DCAF1: variants seen among roughly 807,000 people sequenced by gnomAD.
The protein encoded by DCAF1 is DDB1- and CUL4-associated factor 1.
Under a neutral mutation model 128.0 loss-of-function variants are expected in DCAF1, and 15 were observed. That is an observed-to-expected ratio of 0.12 (90% CI 0.08 to 0.18). The LOEUF is 0.18. DCAF1 is among the 10% of genes least tolerant of loss of function. DCAF1 has a pLI of 1.00. For missense variants in DCAF1, 988 were observed against 1,649.5 expected (o/e 0.60, Z 6.95); for synonymous variants, 610 against 603.0 (o/e 1.01, Z -0.17).
chr3:51,472,236 C>T (rs1219213497), intron 3 of DCAF1, among the ~76,000 whole-genome samples: 1 of 152,150 alleles, frequency 6.6e-6, no homozygotes, highest in Non-Finnish European at 1.5e-5. Flanking sequence ...TCAAAGAGCC[C>T]AATTTCACTC....
chr3:51,475,999 C>CT (rs1202327880), intron 3 of DCAF1, among the ~76,000 whole-genome samples: 1 of 152,172 alleles, frequency 6.6e-6, no homozygotes, highest in Non-Finnish European at 1.5e-5. Context: ...CAGAGTTTCC[C>CT]TGGGTTTCAG....
upstream of DCAF1, among the ~76,000 whole-genome samples, chr3:51,502,164 G>T (rs1420532175): frequency 2.0e-5 from 3 of 152,180 alleles, no homozygotes; most frequent in African/African-American, 7.2e-5. Flanking sequence ...AAGAGGCAGA[G>T]CCCTTAGGGG....
intron 24 of DCAF1, among the ~76,000 whole-genome samples, chr3:51,401,096 C>T (rs190718423): frequency 1.3e-4 from 19 of 143,220 alleles, no homozygotes; most frequent in Non-Finnish European, 2.5e-4. Flanking sequence ...TGCGCCACTG[C>T]ACTCCAGCCT....
chr3:51,468,387 G>A (rs1216267628), intron 4 of DCAF1, among the ~76,000 whole-genome samples: 1 of 152,072 alleles, frequency 6.6e-6, no homozygotes, highest in Admixed American at 6.6e-5. Context: ...GGCCAAGCTG[G>A]TCTCGAACTC....
At chr3:51,466,663 C>T in intron 5 of DCAF1, 140 bp downstream of exon 5, 1 of 692,772 alleles carries the variant, frequency 1.4e-6, no homozygotes, top group Non-Finnish European at 2.4e-6. Flanking sequence ...AGCATTATGG[C>T]CACAACCAGG....
chr3:51,471,400 G>A (rs1704731617), intron 3 of DCAF1, among the ~76,000 whole-genome samples: 1 of 151,516 alleles, frequency 6.6e-6, no homozygotes, highest in Non-Finnish European at 1.5e-5. Flanking sequence ...AGCCAGGATG[G>A]TCTCGATCTC....
At chr3:51,428,373 G>A (rs1210162488) in intron 12 of DCAF1, among the ~76,000 whole-genome samples, 2 of 131,098 alleles carry the variant, frequency 1.5e-5, no homozygotes, top group Admixed American at 9.2e-5. Flanking sequence ...TGCCCAGACT[G>A]GAGTGCAGTG....
intron 23 of DCAF1, among the ~76,000 whole-genome samples, chr3:51,405,051 T>C (rs1553626172): frequency 1.3e-5 from 2 of 152,226 alleles, no homozygotes; most frequent in South Asian, 2.1e-4. Flanking sequence ...CGTATTTTCA[T>C]AGACTTGACC....
chr3:51,415,680 T>C (rs1479521321), intron 18 of DCAF1, among the ~76,000 whole-genome samples: 2 of 151,952 alleles, frequency 1.3e-5, no homozygotes, highest in Admixed American at 6.6e-5. Context: ...CTCCAACTCA[T>C]GGGCTCAAGC....
chr3:51,499,471 AGTACGGAAGATGGAGCCCCGCAAGCCC>A (rs1553663086), intron 1 of DCAF1, among the ~76,000 whole-genome samples: 2 of 152,176 alleles, frequency 1.3e-5, no homozygotes, highest in Admixed American at 1.3e-4. Flanking sequence ...CCCGCCGTAT[AGTACGGAAGATGGAGCCCCGCAAGCCC>A]GTACGGAACA....
At chr3:51,466,765 G>A (rs781830191) in intron 5 of DCAF1, 38 bp downstream of exon 5, 1 of 1,591,446 alleles carries the variant, frequency 6.3e-7, no homozygotes, top group South Asian at 1.1e-5. Flanking sequence ...AGCATCTACA[G>A]ATGATAATCG....
intron 6 of DCAF1, among the ~76,000 whole-genome samples, chr3:51,447,027 T>A (rs1553640421): frequency 6.9e-6 from 1 of 145,140 alleles, no homozygotes; most frequent in East Asian, 2.0e-4. Context: ...TTTTAAAACC[T>A]CGTATTTTCT....
At chr3:51,408,733 C>G (rs1004795417) in intron 23 of DCAF1, among the ~76,000 whole-genome samples, 1 of 152,168 alleles carries the variant, frequency 6.6e-6, no homozygotes, top group Non-Finnish European at 1.5e-5. Context: ...ACGGTATTAT[C>G]CCGTATCTCT....
intron 9 of DCAF1, chr3:51,437,529 CAG>C (rs782097114): frequency 6.3e-5 from 22 of 346,718 alleles, no homozygotes; most frequent in Non-Finnish European, 1.2e-4. Context: ...AAATGTATAA[CAG>C]GGGGCTGGGC....
chr3:51,428,666 G>A (rs1289523258), intron 12 of DCAF1, among the ~76,000 whole-genome samples: 4 of 152,044 alleles, frequency 2.6e-5, no homozygotes, highest in African/African-American at 7.2e-5. Flanking sequence ...AAGAAATTCT[G>A]CACAGAAGGC....
intron 6 of DCAF1, among the ~76,000 whole-genome samples, chr3:51,452,190 C>T (rs1702426504): frequency 6.6e-6 from 1 of 152,082 alleles, no homozygotes; most frequent in Admixed American, 6.6e-5. Context: ...GCTGAGACCA[C>T]AGTGTGCACC....
At chr3:51,412,598 C>G (rs1698530667) in intron 22 of DCAF1, 118 bp from the exon 23 acceptor site, 3 of 1,489,504 alleles carry the variant, frequency 2.0e-6, no homozygotes, top group Non-Finnish European at 1.8e-6. Context: ...CTTCTGATAC[C>G]CGAAATTCTT....
Position 51,420,487 on chromosome 3 carries a change from G to A in DCAF1, c.2483C>T (p.Ser828Phe), listed in dbSNP as rs782297399. The change falls in exon 15 of 25, where the codon TCC (serine) becomes TTC (phenylalanine). Residue 828 changes from serine (S) to phenylalanine (F), a missense_variant. Ser to Phe is a radical substitution (Grantham distance 155, BLOSUM62 -2). Coordinates refer to ENST00000684031, the MANE Select transcript of DCAF1 (RefSeq NM_001387579.1). This position sits in a 1 kb window ranked among gnomAD's most constrained non-coding sequence, Gnocchi z 6.5. ...GKPLLIGTDV[S>F]LARLQKADVV... ...ATCTGCTTTCTGCAGTCGTGCTAGGGAAACATCAGTGCCAATGAGAAGTGG... is the reference window on the plus strand; with the variant it reads ...ATCTGCTTTCTGCAGTCGTGCTAGGAAAACATCAGTGCCAATGAGAAGTGG... The A allele has an allele frequency of 6.2e-7, 1 of 1,614,000 alleles. No individual in the cohort carries two copies.
chr3:51,487,163 G>C (rs1553655817), intron 2 of DCAF1, among the ~76,000 whole-genome samples: 1 of 148,074 alleles, frequency 6.8e-6, no homozygotes, highest in Non-Finnish European at 1.5e-5. Context: ...GTAGAGACAG[G>C]GTTTCACCAT....
Sources: gnomAD v4.1 joint callset for allele counts (sites outside exome capture counted in the v4.1 genomes callset) on GRCh38, gnomAD v4.1.1 for gene constraint, Gnocchi (gnomAD v3.1) non-coding constraint, MANE v1.5 for transcripts, NCBI Gene and HGNC (gene_info 2026-07-23, HGNC 2026-07-21) for gene names.